The following SLC1A7 variants were observed in gnomAD, a reference collection of about 807,000 sequenced individuals.
The protein encoded by SLC1A7 is excitatory amino acid transporter 5.
In SLC1A7, 40 loss-of-function variants were observed where a neutral mutation model predicts 47.7. The ratio of observed to expected loss-of-function variants is 0.84; its 90% confidence interval spans 0.65 to 1.09. The LOEUF is 1.09. Among genes scored for constraint, SLC1A7 ranks in the 50% least tolerant of loss-of-function variants. The pLI, the probability that SLC1A7 is intolerant of heterozygous loss-of-function variation, is 0.00. For synonymous variants in SLC1A7, 323 were observed against 325.6 expected (o/e 0.99, Z 0.09); for missense variants, 746 against 769.5 (o/e 0.97, Z 0.36).
rs1204851669 is a variant in SLC1A7 at position 53,087,937 on chromosome 1, G to A, written c.*72C>T. ...CTGGCCCCTGCCGGCTGCTCAGGAG[G>A]GTTGGAGAGTCGAGTTCCTGCCTCA... On this transcript the variant is annotated 3_prime_UTR_variant, in exon 11 of 11. Coordinates refer to ENST00000371494, the MANE Select transcript of SLC1A7 (RefSeq NM_006671.6). The A allele has an allele frequency of 5.5e-6, 5 of 906,372 alleles. No homozygotes were observed. The highest frequency in any genetic ancestry group is 8.0e-6 in the Non-Finnish European group (5 of 621,240). 56.1% of individuals were successfully genotyped at this position (906,372 alleles called of 1,614,324 possible). A position where few individuals can be genotyped will look rare whatever the true frequency, so the allele number is the denominator to read the frequency against.
intron 2 of SLC1A7, 47 bp downstream of exon 2, chr1:53,134,303 C>A (rs540236603): frequency 7.0e-7 from 1 of 1,419,118 alleles, no homozygotes; most frequent in Non-Finnish European, 9.9e-7. Flanking sequence ...AGAAGCCATC[C>A]TCTACCCTCC....
chr1:53,106,614 A>AAT (rs397716850), intron 3 of SLC1A7, among the ~76,000 whole-genome samples: 1 of 151,022 alleles, frequency 6.6e-6, no homozygotes, highest in African/African-American at 2.4e-5. Flanking sequence ...AAAAAAAAAA[A>AAT]GTAACTGTCA....
At position 53,125,517 on chromosome 1, in the gene SLC1A7, C is replaced by T. The variant is rs138988381; in HGVS notation, c.215+8833G>A. ...AGTTCCCTGTGATTTGAAGTTAGCA[C>T]CAGGGTACGCTAGAGTCCCCCAGCC... On this transcript the variant is annotated intron_variant, in intron 2 of 10. Transcript: ENST00000371494. Among the ~76,000 whole-genome samples the T allele has an allele frequency of 5.7e-3, 862 of 152,256 alleles. 9 individuals carry two copies. Among genetic ancestry groups the T allele is most frequent in the African/African-American group, 0.02 (827 of 41,534 alleles).
chr1:53,118,935 T>C (rs1419054840), intron 2 of SLC1A7, among the ~76,000 whole-genome samples: 2 of 152,200 alleles, frequency 1.3e-5, no homozygotes, highest in Non-Finnish European at 2.9e-5. Flanking sequence ...AGGCAGAGGT[T>C]GCAGTGAGCT....
intron 5 of SLC1A7, among the ~76,000 whole-genome samples, chr1:53,098,566 C>G (rs1572305711): frequency 1.3e-5 from 2 of 150,016 alleles, no homozygotes; most frequent in Middle Eastern, 3.5e-3. Flanking sequence ...CCTCAGCATA[C>G]TCACACACCC....
In SLC1A7 at chr1:53,137,287, C is replaced by CAAAAAAAAAA. The variant is rs60113708; in HGVS notation, c.136-2868_136-2859dup. Among the ~76,000 whole-genome samples the CAAAAAAAAAA allele has an allele frequency of 3.7e-3, 376 of 100,728 alleles. 10 individuals carry two copies. The highest frequency in any genetic ancestry group is 0.01 in the African/African-American group (268 of 25,728). 66.1% of individuals were successfully genotyped at this position (100,728 alleles called of 152,430 possible). A position where few individuals can be genotyped will look rare whatever the true frequency, so the allele number is the denominator to read the frequency against. ...GGGCAACAGAGGGAGACGCTATCTC[C>CAAAAAAAAAA]AAAAAAAAAAAAGTGCTCTACTGAT... is the stretch of plus-strand genomic sequence containing the variant. On this transcript the variant is annotated intron_variant, in intron 1 of 10. Transcript: ENST00000371494.
chr1:53,099,411 A>G (rs60690390), intron 5 of SLC1A7, among the ~76,000 whole-genome samples: 23,378 of 131,106 alleles, frequency 0.18, 2,486 homozygotes, highest in Middle Eastern at 0.29. Context: ...ACACCACCTC[A>G]GTACGCTCAC....
chr1:53,103,143 G>C, intron 5 of SLC1A7: 2 of 519,710 alleles, frequency 3.8e-6, no homozygotes, highest in Non-Finnish European at 6.8e-6. Context: ...CGGGCCTGAG[G>C]GGGAGGTGCC....
In SLC1A7 at chr1:53,142,516, A is replaced by G; in HGVS notation, c.-67T>C. 6.4e-7 allele frequency: 1 copy of G among 1,568,064 alleles called. No homozygotes were observed. The highest frequency in any genetic ancestry group is 1.3e-5 in the African/African-American group (1 of 74,484). ...CGCATGAGAGCCCGGCCGGGGGCAC[A>G]GGGTCTGGGCTGAGGGCTCTAGCCC... On this transcript the variant is annotated 5_prime_UTR_variant, in exon 1 of 11. Coordinates refer to ENST00000371494, the MANE Select transcript of SLC1A7 (RefSeq NM_006671.6).
At chr1:53,092,876 G>GGAAGCTCAGGGGGA in intron 6 of SLC1A7, 89 bp from the exon 7 acceptor site, 1 of 837,242 alleles carries the variant, frequency 1.2e-6, no homozygotes, top group Non-Finnish European at 2.0e-6. Context: ...CCTTCCCCCT[G>GGAAGCTCAGGGGGA]AGCTTCCTGG....
chr1:53,118,150 C>T (rs909939792), intron 2 of SLC1A7, among the ~76,000 whole-genome samples: 2 of 152,212 alleles, frequency 1.3e-5, no homozygotes, highest in African/African-American at 4.8e-5. Context: ...TAAGGCCCTG[C>T]CCTTTGGCTT....
intron 3 of SLC1A7, among the ~76,000 whole-genome samples, chr1:53,106,465 A>G (rs371234631): frequency 6.6e-5 from 10 of 152,062 alleles, no homozygotes; most frequent in African/African-American, 1.9e-4. Context: ...TTAGCTGGGC[A>G]CGGTGGCGGG....
At chr1:53,118,034 GA>G (rs1211391222) in intron 2 of SLC1A7, among the ~76,000 whole-genome samples, 5 of 152,350 alleles carry the variant, frequency 3.3e-5, no homozygotes, top group South Asian at 4.1e-4. Flanking sequence ...GCCTCCCCCG[GA>G]GTGCCAGGGC....
At chr1:53,129,639 C>T (rs1226858663) in intron 2 of SLC1A7, among the ~76,000 whole-genome samples, 1 of 141,204 alleles carries the variant, frequency 7.1e-6, no homozygotes, top group Non-Finnish European at 1.6e-5. Flanking sequence ...ACCCCGCTGG[C>T]CCCACTGCCC....
chr1:53,094,226 C>G (rs1194578669), intron 5 of SLC1A7, among the ~76,000 whole-genome samples: 1 of 152,208 alleles, frequency 6.6e-6, no homozygotes, highest in Non-Finnish European at 1.5e-5. Flanking sequence ...GCATGTTAGA[C>G]GCACAGTGGT....
intron 7 of SLC1A7, 81 bp downstream of exon 7, chr1:53,092,466 CTGTGGCT>C (rs1644432818): frequency 1.0e-6 from 1 of 973,624 alleles, no homozygotes; most frequent in Non-Finnish European, 1.6e-6. Flanking sequence ...TTTGGTGGTT[CTGTGGCT>C]ATGAACCAAT....
rs1483309933 is a variant in SLC1A7, at chr1:53,093,493, C to T, written c.765G>A (p.Glu255=). 1.2e-6 allele frequency: 2 copies of T among 1,611,392 alleles called. No homozygotes were observed. Among genetic ancestry groups the T allele is most frequent in the African/African-American group, 1.3e-5 (1 of 75,054 alleles). ...CCACCGCCACGATCTTCATGACCGA[C>T]TCATTGAGGCACTGGCAGAAGCTGA... ...PLVSFCQCLN[E]SVMKIVAVAV... Residue 255 remains glutamate, a synonymous_variant, in exon 6 of 11, where the codon GAG becomes GAA. Transcript: ENST00000371494.
intron 2 of SLC1A7, among the ~76,000 whole-genome samples, chr1:53,126,211 G>C (rs1644880070): frequency 6.6e-6 from 1 of 152,220 alleles, no homozygotes; most frequent in South Asian, 2.1e-4. Context: ...TGGCTTCAGG[G>C]AGGTGCTCAC....
At chr1:53,113,070 T>C (rs1258512660) in intron 3 of SLC1A7, among the ~76,000 whole-genome samples, 1 of 152,142 alleles carries the variant, frequency 6.6e-6, no homozygotes, top group Non-Finnish European at 1.5e-5. Flanking sequence ...CCAGTCTGAG[T>C]CAGATCCAAA....
Sources: allele counts gnomAD v4.1 joint callset (sites outside exome capture counted in the v4.1 genomes callset), GRCh38; gene constraint gnomAD v4.1.1; transcripts MANE v1.5; gene names NCBI Gene and HGNC (gene_info 2026-07-23, HGNC 2026-07-21).